STAC: variants seen among roughly 807,000 people sequenced by gnomAD.
STAC encodes the protein SH3 and cysteine rich domain.
A neutral mutation model predicts 48.8 loss-of-function variants in STAC; 43 were observed. The ratio of observed to expected loss-of-function variants is 0.88; its 90% CI spans 0.69 to 1.14. STAC has a LOEUF of 1.14. Among genes scored for constraint, STAC ranks in the 50% most tolerant of loss-of-function variants. The pLI is 0.00. For synonymous variants in STAC, 193 were observed against 179.5 expected (o/e 1.07, Z -0.60); for missense variants, 497 against 504.0 (o/e 0.99, Z 0.13).
intron 2 of STAC, among the ~76,000 whole-genome samples, chr3:36,464,806 T>G (rs917833775): frequency 5.9e-5 from 9 of 152,180 alleles, no homozygotes; most frequent in African/African-American, 1.7e-4. Flanking sequence ...TGAGTAGTAT[T>G]CCATGGTGTG....
chr3:36,397,912 C>CA (rs33938614), intron 1 of STAC, among the ~76,000 whole-genome samples: 1,490 of 129,898 alleles, frequency 0.011, 10 homozygotes, highest in East Asian at 0.021. Context: ...CAGCAGGCAG[C>CA]AAAAAAAAAA....
chr3:36,486,205 A>G lies in STAC; in HGVS notation c.643A>G (p.Lys215Glu). The stretch of plus-strand genomic sequence containing the variant: ...CACCTCCCTGGCCCAGAGGACAAAG[A>G]AGGGCAGCTCCGGCAGTGGCTCTGA... ...FGTSLAQRTK[K>E]GSSGSGSDSP... is the part of the protein sequence containing the mutation. The change falls in exon 5 of 11, where the codon AAG (lysine) becomes GAG (glutamate). Residue 215 changes from lysine (K) to glutamate (E), a missense_variant. By Grantham distance (56) the Lys-to-Glu change is moderately conservative. Transcript: ENST00000273183. The G allele has an allele frequency of 6.2e-7, 1 of 1,613,962 alleles. No homozygotes were observed. Among genetic ancestry groups the G allele is most frequent in the Non-Finnish European group, 8.5e-7 (1 of 1,179,946 alleles).
intron 1 of STAC, among the ~76,000 whole-genome samples, chr3:36,383,313 AG>A (rs903008366): frequency 6.7e-5 from 10 of 150,132 alleles, no homozygotes; most frequent in African/African-American, 2.0e-4. Flanking sequence ...AAGCCAAGAA[AG>A]GTTAGATCAT....
intron 1 of STAC, among the ~76,000 whole-genome samples, chr3:36,403,444 T>G (rs1215137924): frequency 6.6e-6 from 1 of 152,046 alleles, no homozygotes; most frequent in East Asian, 1.9e-4. Flanking sequence ...TATTTTTAAT[T>G]ATCTCTTCAC....
At chr3:36,494,997 C>T (rs190828873) in intron 6 of STAC, among the ~76,000 whole-genome samples, 6 of 152,178 alleles carry the variant, frequency 3.9e-5, no homozygotes, top group Non-Finnish European at 5.9e-5. Flanking sequence ...TCCCCTTTCC[C>T]CTGACACTCT....
At chr3:36,431,816 C>T (rs1276056394) in intron 1 of STAC, among the ~76,000 whole-genome samples, 2 of 152,138 alleles carry the variant, frequency 1.3e-5, no homozygotes, top group African/African-American at 4.8e-5. Flanking sequence ...CCTCCCCTCA[C>T]CCCCAACTCC....
chr3:36,480,724 C>T (rs1697620435), intron 2 of STAC, among the ~76,000 whole-genome samples: 1 of 152,178 alleles, frequency 6.6e-6, no homozygotes, highest in South Asian at 2.1e-4. Flanking sequence ...CTTCAAGTTC[C>T]CCCTTTCAGC....
At chr3:36,445,358 A>G (rs1217042750) in intron 2 of STAC, among the ~76,000 whole-genome samples, 1 of 152,214 alleles carries the variant, frequency 6.6e-6, no homozygotes, top group African/African-American at 2.4e-5. Flanking sequence ...AAGAAAAAAA[A>G]GAATCAACGA....
At position 36,380,756 on chromosome 3, in the gene STAC, T is replaced by A. The variant is rs769980877; in HGVS notation, c.111+2T>A. The stretch of plus-strand genomic sequence containing the variant: ...TCCACCAGCAGCCAGGAATCCAAGG[T>A]ACCGAGCACGCTTGCCCCCAAGAGA... On this transcript the variant is annotated splice_donor_variant, in intron 1 of 10. Transcript: ENST00000273183. LOFTEE classifies it high-confidence loss of function. 3 of 1,608,036 alleles carry A rather than the reference T, an allele frequency of 1.9e-6. No homozygotes were observed. In the African/African-American group the frequency reaches 4.0e-5, roughly 22 times the overall value.
At chr3:36,394,178 C>T (rs1282688687) in intron 1 of STAC, among the ~76,000 whole-genome samples, 8 of 152,114 alleles carry the variant, frequency 5.3e-5, no homozygotes, top group Non-Finnish European at 8.8e-5. Context: ...CCATTAACCA[C>T]ATGTGGCTAG....
intron 1 of STAC, among the ~76,000 whole-genome samples, chr3:36,433,539 G>A (rs528866863): frequency 1.3e-5 from 2 of 152,344 alleles, no homozygotes; most frequent in South Asian, 4.1e-4. Flanking sequence ...AGAGTAGGCA[G>A]TGATTAAAAC....
chr3:36,422,383 T>A (rs1353711174), intron 1 of STAC, among the ~76,000 whole-genome samples: 1 of 152,064 alleles, frequency 6.6e-6, no homozygotes, highest in Non-Finnish European at 1.5e-5. Context: ...ACCTCAGAGA[T>A]CAAAAGAATA....
intron 6 of STAC, among the ~76,000 whole-genome samples, chr3:36,498,433 C>T (rs1261680196): frequency 6.6e-6 from 1 of 152,118 alleles, no homozygotes; most frequent in East Asian, 1.9e-4. Context: ...CAACATGCAT[C>T]TAAGTGACAA....
chr3:36,492,031 A>AAAAAT (rs1553639882), intron 5 of STAC, among the ~76,000 whole-genome samples: 7 of 16,440 alleles, frequency 4.3e-4, no homozygotes, highest in African/African-American at 5.6e-4. Context: ...AAAAAAAAAA[A>AAAAAT]ATATATATAT....
rs140299053 is a variant in STAC, at chr3:36,415,624, G to A, written c.112-27740G>A. On this transcript the variant is annotated intron_variant, in intron 1 of 10. Coordinates refer to ENST00000273183, the MANE Select transcript of STAC (RefSeq NM_003149.3). ...CGTTGGTGCACTGCACCCACTGTCC[G>A]GCACCCACTGTCTGACAAGCCCCAG... Among the ~76,000 whole-genome samples, 29 of 152,264 alleles carry A rather than the reference G, an allele frequency of 1.9e-4. No individual in the cohort carries two copies. In the East Asian group the frequency reaches 1.9e-3, roughly 10 times the overall value.
At chr3:36,437,284 C>T (rs1326382445) in intron 1 of STAC, among the ~76,000 whole-genome samples, 3 of 150,670 alleles carry the variant, frequency 2.0e-5, no homozygotes, top group African/African-American at 7.3e-5. Flanking sequence ...GGGTATATAC[C>T]CAAAGGATTA....
chr3:36,399,139 G>A (rs1002603933), intron 1 of STAC, among the ~76,000 whole-genome samples: 1 of 152,160 alleles, frequency 6.6e-6, no homozygotes, highest in Admixed American at 6.5e-5. Context: ...AGGGAGGGGA[G>A]TACAATCTCC....
At chr3:36,528,451 G>A (rs1698987586) in intron 8 of STAC, among the ~76,000 whole-genome samples, 1 of 147,866 alleles carries the variant, frequency 6.8e-6, no homozygotes, top group African/African-American at 2.5e-5. Flanking sequence ...CCTGGCGACA[G>A]AGCGAGACTC....
intron 1 of STAC, among the ~76,000 whole-genome samples, chr3:36,403,961 C>G (rs948113685): frequency 6.6e-6 from 1 of 152,182 alleles, no homozygotes; most frequent in Non-Finnish European, 1.5e-5. Context: ...CACAGTGACT[C>G]TGACTTGAAA....
Sources: allele counts gnomAD v4.1 joint callset (sites outside exome capture counted in the v4.1 genomes callset), GRCh38; gene constraint gnomAD v4.1.1; transcripts MANE v1.5; gene names NCBI Gene and HGNC (gene_info 2026-07-23, HGNC 2026-07-21).